Variants in HTR1F observed in about 807,000 individuals in gnomAD.
The protein encoded by HTR1F is 5-hydroxytryptamine receptor 1F.
HTR1F carries 17 observed loss-of-function variants against 24.0 expected under a neutral mutation model. The observed-to-expected ratio is 0.71, with a 90% CI of 0.48 to 1.06. The LOEUF (loss-of-function observed/expected upper bound fraction) is 1.06, where lower values mean the gene tolerates loss of function less well. Among genes scored for constraint, HTR1F ranks in the 50% least tolerant of loss-of-function variants. The pLI, the probability that HTR1F is intolerant of heterozygous loss-of-function variation, is 0.00. For synonymous variants in HTR1F, 186 were observed against 156.8 expected, an observed-to-expected ratio of 1.19 and a Z score of -1.39; for missense variants, 391 against 427.8, an observed-to-expected ratio of 0.91 and a Z score of 0.76.
At chr3:87,920,168 T>G (rs1394270447) in intron 2 of HTR1F, among the ~76,000 whole-genome samples, 2 of 151,746 alleles carry the variant, frequency 1.3e-5, no homozygotes, top group African/African-American at 4.8e-5. Flanking sequence ...GCAAACATCC[T>G]ACATTCTCAC....
At chr3:87,963,247 C>T (rs2107482483) in intron 2 of HTR1F, among the ~76,000 whole-genome samples, 1 of 151,982 alleles carries the variant, frequency 6.6e-6, no homozygotes, top group South Asian at 2.1e-4. Flanking sequence ...ATGTACAAGC[C>T]AAATCTATCC....
intron 2 of HTR1F, among the ~76,000 whole-genome samples, chr3:87,975,169 A>G (rs901828466): frequency 1.7e-4 from 26 of 152,204 alleles, no homozygotes; most frequent in African/African-American, 6.3e-4. Context: ...AGAAGTAATC[A>G]GAGTAACTTA....
At chr3:87,937,998 T>A (rs1471873019) in intron 2 of HTR1F, among the ~76,000 whole-genome samples, 1 of 151,496 alleles carries the variant, frequency 6.6e-6, no homozygotes, top group Non-Finnish European at 1.5e-5. Context: ...GAAGTCAAAC[T>A]ATCACTGTTT....
intron 2 of HTR1F, among the ~76,000 whole-genome samples, chr3:87,969,325 G>A (rs962091754): frequency 1.3e-5 from 2 of 152,196 alleles, no homozygotes; most frequent in Admixed American, 6.5e-5. Context: ...ATGTCAGCCT[G>A]TGAAAGCAGC....
intron 1 of HTR1F, among the ~76,000 whole-genome samples, 64 bp downstream of exon 1, chr3:87,792,906 G>A (rs1167078477): frequency 2.0e-5 from 3 of 152,224 alleles, no homozygotes; most frequent in Non-Finnish European, 4.4e-5. Context: ...GCGCGCAGGT[G>A]GGGAAGGGGT....
chr3:87,924,038 T>C (rs894859228), intron 2 of HTR1F, among the ~76,000 whole-genome samples: 57 of 152,136 alleles, frequency 3.7e-4, no homozygotes, highest in African/African-American at 1.3e-3. Flanking sequence ...CTCAACTGTT[T>C]GATTTTTTGA....
intron 2 of HTR1F, among the ~76,000 whole-genome samples, chr3:87,975,825 G>A (rs968389450): frequency 6.6e-6 from 1 of 152,194 alleles, no homozygotes; most frequent in South Asian, 2.1e-4. Flanking sequence ...GATTGCATTT[G>A]AGCAGAGCTC....
At chr3:87,834,618 T>C (rs1287348019) in intron 2 of HTR1F, among the ~76,000 whole-genome samples, 1 of 152,178 alleles carries the variant, frequency 6.6e-6, no homozygotes, top group Non-Finnish European at 1.5e-5. Context: ...AATGGATATA[T>C]GAATGAATGA....
chr3:87,990,582 CT>C (rs1705798330), intron 2 of HTR1F, 125 bp from the exon 3 acceptor site: 1 of 535,532 alleles, frequency 1.9e-6, no homozygotes, highest in Non-Finnish European at 3.2e-6. Flanking sequence ...CAATCTGAAC[CT>C]CATTTTTTTA....
At chr3:87,964,899 C>G (rs1290496426) in intron 2 of HTR1F, among the ~76,000 whole-genome samples, 1 of 152,104 alleles carries the variant, frequency 6.6e-6, no homozygotes, top group Non-Finnish European at 1.5e-5. Context: ...GAGTGTGGAT[C>G]TTTCCCATGC....
intron 2 of HTR1F, among the ~76,000 whole-genome samples, chr3:87,933,675 T>C (rs1025394906): frequency 7.9e-5 from 12 of 152,068 alleles, no homozygotes; most frequent in Admixed American, 3.3e-4. Flanking sequence ...TCAAGGAGAA[T>C]TACAAACCAC....
At chr3:87,827,323 C>T in intron 2 of HTR1F, among the ~76,000 whole-genome samples, 1 of 151,960 alleles carries the variant, frequency 6.6e-6, no homozygotes, top group East Asian at 1.9e-4. Flanking sequence ...TGTTCAGCTC[C>T]CACTTATACT....
intron 2 of HTR1F, among the ~76,000 whole-genome samples, chr3:87,877,643 C>CAAAG (rs1705700051): frequency 6.6e-6 from 1 of 152,124 alleles, no homozygotes; most frequent in Non-Finnish European, 1.5e-5. Flanking sequence ...CTTCAAGGAT[C>CAAAG]TAAGTGATAT....
chr3:87,916,163 C>T (rs1336620635), intron 2 of HTR1F, among the ~76,000 whole-genome samples: 7 of 151,868 alleles, frequency 4.6e-5, no homozygotes, highest in Non-Finnish European at 7.4e-5. Flanking sequence ...CAAGAGAATT[C>T]GCCATTACCA....
intron 2 of HTR1F, among the ~76,000 whole-genome samples, chr3:87,847,039 C>A (rs1704961063): frequency 6.7e-6 from 1 of 149,452 alleles, no homozygotes; most frequent in Admixed American, 6.7e-5. Context: ...CAAAAATAGC[C>A]CAAACATTTA....
At chr3:87,904,755 A>T (rs1703621413) in intron 2 of HTR1F, among the ~76,000 whole-genome samples, 1 of 152,162 alleles carries the variant, frequency 6.6e-6, no homozygotes, top group African/African-American at 2.4e-5. Flanking sequence ...CATACACATT[A>T]TACCACATTA....
chr3:87,832,567 G>A (rs966252451), intron 2 of HTR1F, among the ~76,000 whole-genome samples: 1 of 152,024 alleles, frequency 6.6e-6, no homozygotes, highest in African/African-American at 2.4e-5. Flanking sequence ...AACTCAGGCA[G>A]TCCGCCCACC....
chr3:87,966,155 G>A (rs974130431), intron 2 of HTR1F, among the ~76,000 whole-genome samples: 25 of 152,186 alleles, frequency 1.6e-4, no homozygotes, highest in Non-Finnish European at 2.2e-4. Flanking sequence ...ATAGACAGCC[G>A]TCTTCTCACT....
At chr3:87,796,847 A>G (rs1324898112) in intron 1 of HTR1F, among the ~76,000 whole-genome samples, 2 of 152,210 alleles carry the variant, frequency 1.3e-5, no homozygotes, top group African/African-American at 4.8e-5. Flanking sequence ...CTAGGAATTT[A>G]TCTTATAGAT....
Sources: gnomAD v4.1 joint callset for allele counts (sites outside exome capture counted in the v4.1 genomes callset) on GRCh38, gnomAD v4.1.1 for gene constraint, MANE v1.5 for transcripts, NCBI Gene and HGNC (gene_info 2026-07-23, HGNC 2026-07-21) for gene names.